ASIC2: variants seen among roughly 807,000 people sequenced by gnomAD.
ASIC2 encodes the protein acid sensing ion channel subunit 2.
A neutral mutation model predicts 57.3 loss-of-function variants in ASIC2; 25 were observed. The observed-to-expected ratio is 0.44, with a 90% confidence interval of 0.32 to 0.61. The LOEUF (loss-of-function observed/expected upper bound fraction) is 0.61, where lower values mean the gene tolerates loss of function less well. ASIC2 is among the 20% of genes least tolerant of loss of function. The pLI, the probability that ASIC2 is intolerant of heterozygous loss-of-function variation, is 0.06. For missense variants in ASIC2, 641 were observed against 738.1 expected, an observed-to-expected ratio of 0.87 and a Z score of 1.52; for synonymous variants, 319 against 307.5, an observed-to-expected ratio of 1.04 and a Z score of -0.39.
intron 1 of ASIC2, among the ~76,000 whole-genome samples, chr17:34,087,352 A>G (rs1400411902): frequency 2.6e-5 from 4 of 152,038 alleles, no homozygotes; most frequent in African/African-American, 9.7e-5. Flanking sequence ...TTCTTTAAGA[A>G]TGTTGAATAT....
intron 1 of ASIC2, among the ~76,000 whole-genome samples, chr17:33,438,455 G>A (rs1911705291): frequency 1.3e-5 from 2 of 152,040 alleles, no homozygotes; most frequent in Non-Finnish European, 1.5e-5. Flanking sequence ...GGACCAACTT[G>A]CAAATTTTCT....
chr17:33,837,424 C>G (rs192289122), intron 1 of ASIC2, among the ~76,000 whole-genome samples: 2 of 152,180 alleles, frequency 1.3e-5, no homozygotes, highest in South Asian at 4.1e-4. Context: ...CCCAGATAGA[C>G]CTTAACTGTG....
intron 1 of ASIC2, among the ~76,000 whole-genome samples, chr17:33,522,981 G>A (rs1914786846): frequency 6.6e-6 from 1 of 150,802 alleles, no homozygotes; most frequent in Admixed American, 6.6e-5. Flanking sequence ...ATCAAGCCAG[G>A]TTGCAGGAAG....
intron 1 of ASIC2, among the ~76,000 whole-genome samples, chr17:33,377,235 G>T (rs1909312062): frequency 6.6e-6 from 1 of 152,176 alleles, no homozygotes; most frequent in Non-Finnish European, 1.5e-5. Context: ...ATTTTTAGTA[G>T]AGATGGGGTT....
intron 1 of ASIC2, among the ~76,000 whole-genome samples, chr17:33,828,943 G>C (rs1913024804): frequency 1.3e-5 from 2 of 152,170 alleles, no homozygotes; most frequent in African/African-American, 4.8e-5. Flanking sequence ...TGAAATAGGA[G>C]TATAAAGTGT....
chr17:33,835,623 G>C (rs1041138327), intron 1 of ASIC2, among the ~76,000 whole-genome samples: 1 of 152,084 alleles, frequency 6.6e-6, no homozygotes, highest in Non-Finnish European at 1.5e-5. Context: ...TCTAATGTTA[G>C]AGCTGGAATC....
intron 1 of ASIC2, among the ~76,000 whole-genome samples, chr17:33,927,520 G>C (rs150603474): frequency 1.3e-5 from 2 of 152,362 alleles, no homozygotes; most frequent in African/African-American, 4.8e-5. Context: ...ATGCAGCACA[G>C]AGGGAGCCTT....
At chr17:33,964,211 C>T (rs1905009229) in intron 1 of ASIC2, among the ~76,000 whole-genome samples, 1 of 152,198 alleles carries the variant, frequency 6.6e-6, no homozygotes, top group South Asian at 2.1e-4. Flanking sequence ...CAGTAGATGC[C>T]TGTACAGCCA....
intron 1 of ASIC2, among the ~76,000 whole-genome samples, chr17:33,682,238 TTTA>T (rs1908031697): frequency 6.6e-6 from 1 of 151,800 alleles, no homozygotes. Context: ...TTTTTTTTTT[TTTA>T]TTTTTAGTAG....
At chr17:33,076,326 T>C (rs771458713) in intron 3 of ASIC2, among the ~76,000 whole-genome samples, 21 of 152,226 alleles carry the variant, frequency 1.4e-4, no homozygotes, top group Non-Finnish European at 2.6e-4. Flanking sequence ...TAGGAGGCTG[T>C]GCCTGGCTAC....
At chr17:33,172,772 A>T (rs945378562) in intron 1 of ASIC2, among the ~76,000 whole-genome samples, 1 of 152,226 alleles carries the variant, frequency 6.6e-6, no homozygotes, top group Non-Finnish European at 1.5e-5. Context: ...CCTGGGAACT[A>T]GGTAAAGATG....
intron 1 of ASIC2, among the ~76,000 whole-genome samples, chr17:33,328,300 A>G (rs1907159976): frequency 1.3e-5 from 2 of 152,166 alleles, no homozygotes; most frequent in Non-Finnish European, 2.9e-5. Flanking sequence ...GGTTCAGCCA[A>G]CCGGGGAGAA....
At chr17:33,283,103 G>T (rs994108058) in intron 1 of ASIC2, among the ~76,000 whole-genome samples, 1 of 152,200 alleles carries the variant, frequency 6.6e-6, no homozygotes, top group African/African-American at 2.4e-5. Flanking sequence ...GTGGCAGAGG[G>T]CTTCCCCCAG....
At chr17:33,306,411 C>T (rs1906176650) in intron 1 of ASIC2, among the ~76,000 whole-genome samples, 1 of 152,154 alleles carries the variant, frequency 6.6e-6, no homozygotes, top group South Asian at 2.1e-4. Flanking sequence ...AAATGTCTGC[C>T]CTGCTTTGTG....
intron 1 of ASIC2, among the ~76,000 whole-genome samples, chr17:34,053,199 T>C (rs1908634410): frequency 6.6e-6 from 1 of 152,214 alleles, no homozygotes; most frequent in Non-Finnish European, 1.5e-5. Context: ...CCTGGGTTGC[T>C]GCCTCTCTCT....
chr17:33,237,550 A>T (rs1908342883), intron 1 of ASIC2, among the ~76,000 whole-genome samples: 1 of 152,022 alleles, frequency 6.6e-6, no homozygotes, highest in Non-Finnish European at 1.5e-5. Context: ...GGGTTTCTCC[A>T]TGTTGGTCAG....
intron 1 of ASIC2, among the ~76,000 whole-genome samples, chr17:33,175,267 C>A (rs2142052854): frequency 6.6e-6 from 1 of 152,282 alleles, no homozygotes; most frequent in South Asian, 2.1e-4. Context: ...CAGTTTTCAA[C>A]CCCAAGTTTG....
At chr17:33,242,143 C>T (rs1908528927) in intron 1 of ASIC2, among the ~76,000 whole-genome samples, 1 of 151,960 alleles carries the variant, frequency 6.6e-6, no homozygotes, top group Admixed American at 6.6e-5. Flanking sequence ...ACGGTGAAAC[C>T]CCGTCTCTAC....
At chr17:33,116,480 C>T (rs2092281520) in intron 1 of ASIC2, among the ~76,000 whole-genome samples, 1 of 152,194 alleles carries the variant, frequency 6.6e-6, no homozygotes, top group Non-Finnish European at 1.5e-5. Flanking sequence ...AGGCATTTCT[C>T]TGCTTTCCTG....
Sources: gnomAD v4.1 joint callset for allele counts (sites outside exome capture counted in the v4.1 genomes callset) on GRCh38, gnomAD v4.1.1 for gene constraint, MANE v1.5 for transcripts, NCBI Gene and HGNC (gene_info 2026-07-23, HGNC 2026-07-21) for gene names.